LINGO2: variants seen among roughly 807,000 people sequenced by gnomAD.
The protein encoded by LINGO2 is leucine-rich repeat and immunoglobulin-like domain-containing nogo receptor-interacting protein 2.
In LINGO2, 14 loss-of-function variants were observed where a neutral mutation model predicts 30.6. The ratio of observed to expected loss-of-function variants is 0.46; its 90% CI spans 0.30 to 0.72. LINGO2 has a LOEUF of 0.72. LINGO2 is among the 30% of genes least tolerant of loss of function. The pLI, the probability that LINGO2 is intolerant of heterozygous loss-of-function variation, is 0.07. For missense variants in LINGO2, 729 were observed against 751.7 expected (o/e 0.97, Z 0.35); for synonymous variants, 317 against 288.5 (o/e 1.10, Z -1.00).
At chr9:28,848,878 C>T in the LINGO2 span, among the ~76,000 whole-genome samples, 7 of 151,972 alleles carry the variant, frequency 4.6e-5, no homozygotes, top group South Asian at 8.3e-4. Context: ...TGTCTCCTCC[C>T]GCAAAATTCA....
the LINGO2 span, among the ~76,000 whole-genome samples, chr9:28,871,889 T>A: frequency 6.6e-6 from 1 of 152,038 alleles, no homozygotes; most frequent in African/African-American, 2.4e-5. Context: ...AGATGCTTAA[T>A]AATTTCTACC....
chr9:28,802,698 G>C, the LINGO2 span, among the ~76,000 whole-genome samples: 1 of 151,922 alleles, frequency 6.6e-6, no homozygotes, highest in Non-Finnish European at 1.5e-5. Flanking sequence ...AAAAATAAAA[G>C]ATTTAAGTAC....
At chr9:29,011,640 G>C in the LINGO2 span, among the ~76,000 whole-genome samples, 1 of 152,058 alleles carries the variant, frequency 6.6e-6, no homozygotes, top group African/African-American at 2.4e-5. Flanking sequence ...AAGTTTAATA[G>C]GTGGCCATGA....
chr9:28,864,205 C>T, the LINGO2 span, among the ~76,000 whole-genome samples: 3 of 152,070 alleles, frequency 2.0e-5, no homozygotes, highest in Non-Finnish European at 4.4e-5. Context: ...ACCAATGTTA[C>T]AAATCTGCCC....
At chr9:27,995,181 T>C (rs1287191946) in intron 5 of LINGO2, among the ~76,000 whole-genome samples, 2 of 151,980 alleles carry the variant, frequency 1.3e-5, no homozygotes, top group South Asian at 2.1e-4. Flanking sequence ...CCTACCAAGA[T>C]TGAACCATAA....
At chr9:28,728,768 AG>A in the LINGO2 span, among the ~76,000 whole-genome samples, 1 of 152,174 alleles carries the variant, frequency 6.6e-6, no homozygotes, top group African/African-American at 2.4e-5. Flanking sequence ...GGGAACTCAA[AG>A]AAGAATTGTT....
the LINGO2 span, among the ~76,000 whole-genome samples, chr9:28,751,288 CAAAAAAAAAAAAA>C: frequency 2.4e-5 from 2 of 82,056 alleles, no homozygotes; most frequent in African/African-American, 8.1e-5. Flanking sequence ...AAGATCCAGT[CAAAAAAAAAAAAA>C]AAAAAAAAGG....
chr9:28,144,018 T>A (rs1319292750), intron 4 of LINGO2, among the ~76,000 whole-genome samples: 1 of 152,146 alleles, frequency 6.6e-6, no homozygotes, highest in Non-Finnish European at 1.5e-5. Context: ...ATAAGGTTAA[T>A]AATGGATATA....
the LINGO2 span, among the ~76,000 whole-genome samples, chr9:28,745,849 G>A: frequency 1.3e-5 from 2 of 151,940 alleles, no homozygotes; most frequent in Admixed American, 6.6e-5. Flanking sequence ...TCATTTCATA[G>A]CGGTATCACT....
At chr9:28,814,409 C>T in the LINGO2 span, among the ~76,000 whole-genome samples, 1 of 152,040 alleles carries the variant, frequency 6.6e-6, no homozygotes, top group African/African-American at 2.4e-5. Context: ...TGCACTCCAG[C>T]CGGGCGACAG....
chr9:28,073,529 C>G (rs1825541048), intron 4 of LINGO2, among the ~76,000 whole-genome samples: 1 of 152,134 alleles, frequency 6.6e-6, no homozygotes. Flanking sequence ...TTGAAAGCTT[C>G]AGAAACTAGA....
intron 4 of LINGO2, among the ~76,000 whole-genome samples, chr9:28,151,262 A>C (rs1032267919): frequency 6.6e-6 from 1 of 152,218 alleles, no homozygotes; most frequent in African/African-American, 2.4e-5. Context: ...ATAGTAAGAG[A>C]TTGATAGAAA....
the LINGO2 span, among the ~76,000 whole-genome samples, chr9:28,976,150 A>C: frequency 6.6e-6 from 1 of 152,156 alleles, no homozygotes; most frequent in African/African-American, 2.4e-5. Flanking sequence ...ATGGTGCCTT[A>C]AGAAGAGTAG....
intron 3 of LINGO2, among the ~76,000 whole-genome samples, chr9:28,307,841 G>A (rs1479963021): frequency 6.6e-6 from 1 of 152,128 alleles, no homozygotes; most frequent in Non-Finnish European, 1.5e-5. Context: ...TTGCTTCAAA[G>A]AGAATAAAAT....
chr9:28,430,468 C>T (rs899274347), intron 2 of LINGO2, among the ~76,000 whole-genome samples: 1 of 152,146 alleles, frequency 6.6e-6, no homozygotes, highest in Admixed American at 6.5e-5. Flanking sequence ...CCTTTGTTCA[C>T]GTAACTCTTT....
At chr9:28,655,910 G>C (rs1217607925) in intron 1 of LINGO2, among the ~76,000 whole-genome samples, 2 of 152,204 alleles carry the variant, frequency 1.3e-5, no homozygotes, top group South Asian at 2.1e-4. Context: ...AGCAACGTGA[G>C]AACAGACTAA....
At chr9:28,643,391 C>T in intron 1 of LINGO2, among the ~76,000 whole-genome samples, 1 of 151,900 alleles carries the variant, frequency 6.6e-6, no homozygotes, top group Admixed American at 6.6e-5. Context: ...AATTTACACG[C>T]TCACAGTGAA....
intron 5 of LINGO2, among the ~76,000 whole-genome samples, chr9:27,976,669 A>G (rs149033406): frequency 4.5e-4 from 68 of 152,142 alleles, no homozygotes; most frequent in African/African-American, 1.5e-3. Context: ...CATCATCTCT[A>G]CTTTTGCCCA....
chr9:28,524,449 T>C (rs2135409052), intron 1 of LINGO2, among the ~76,000 whole-genome samples: 1 of 152,250 alleles, frequency 6.6e-6, no homozygotes, highest in South Asian at 2.1e-4. Flanking sequence ...AAGACATCTT[T>C]ATAAAAGTCA....
Sources: gnomAD v4.1 joint callset for allele counts (sites outside exome capture counted in the v4.1 genomes callset) on GRCh38, gnomAD v4.1.1 for gene constraint, MANE v1.5 for transcripts, NCBI Gene and HGNC (gene_info 2026-07-23, HGNC 2026-07-21) for gene names.